The following KDM4C variants were observed in gnomAD, a reference collection of about 807,000 sequenced individuals.
KDM4C encodes the protein lysine demethylase 4C.
In KDM4C, 81 loss-of-function variants were observed where a neutral mutation model predicts 129.3. The observed-to-expected ratio is 0.63, with a 90% CI of 0.52 to 0.75. The LOEUF (loss-of-function observed/expected upper bound fraction) is 0.75. Ranked by LOEUF, KDM4C falls within the 30% of genes least tolerant of loss-of-function variation. KDM4C has a pLI of 0.00. For synonymous variants in KDM4C, 573 were observed against 456.1 expected (o/e 1.26, Z -3.26); for missense variants, 1,457 against 1,304.0 (o/e 1.12, Z -1.81).
intron 12 of KDM4C, among the ~76,000 whole-genome samples, chr9:7,007,757 T>C (rs1304475384): frequency 6.6e-6 from 1 of 152,214 alleles, no homozygotes; most frequent in Non-Finnish European, 1.5e-5. Flanking sequence ...GTTCATTTTA[T>C]TGATATTTAC....
intron 3 of KDM4C, among the ~76,000 whole-genome samples, chr9:6,813,304 G>T (rs1831502127): frequency 6.6e-6 from 1 of 152,150 alleles, no homozygotes. Context: ...CCAAAATGCT[G>T]GGATTATAGC....
intron 1 of KDM4C, among the ~76,000 whole-genome samples, chr9:6,790,997 G>A (rs1290859162): frequency 2.6e-5 from 4 of 152,088 alleles, no homozygotes; most frequent in South Asian, 2.1e-4. Flanking sequence ...CCGTTCCAGC[G>A]GTACTTCCAG....
intron 1 of KDM4C, among the ~76,000 whole-genome samples, chr9:6,745,170 C>A (rs1002437474): frequency 6.6e-6 from 1 of 152,146 alleles, no homozygotes; most frequent in Non-Finnish European, 1.5e-5. Context: ...GATTGAGAGT[C>A]AAGGAAAATT....
intron 8 of KDM4C, among the ~76,000 whole-genome samples, chr9:6,954,730 A>G (rs985548530): frequency 1.2e-4 from 19 of 152,214 alleles, no homozygotes. Context: ...TAGCCCAACA[A>G]TGGAGAGTGA....
At chr9:7,068,673 T>G (rs1436207569) in intron 17 of KDM4C, among the ~76,000 whole-genome samples, 2 of 150,030 alleles carry the variant, frequency 1.3e-5, no homozygotes, top group South Asian at 4.2e-4. Flanking sequence ...CATACATGTT[T>G]ATGATGCCCT....
At chr9:7,137,938 A>G (rs1841380833) in intron 19 of KDM4C, among the ~76,000 whole-genome samples, 1 of 152,248 alleles carries the variant, frequency 6.6e-6, no homozygotes, top group African/African-American at 2.4e-5. Flanking sequence ...TATCCAGAAG[A>G]AGTCAGTACT....
intron 18 of KDM4C, among the ~76,000 whole-genome samples, chr9:7,114,877 G>T (rs547165209): frequency 6.6e-6 from 1 of 152,010 alleles, no homozygotes; most frequent in Non-Finnish European, 1.5e-5. Flanking sequence ...AGGCCGAGGC[G>T]ATATCAGCCT....
intron 14 of KDM4C, chr9:7,014,210 C>T (rs1444398027): frequency 2.1e-6 from 1 of 480,754 alleles, no homozygotes; most frequent in African/African-American, 2.0e-5. Flanking sequence ...CCGTGGAGAG[C>T]AGGTCTGGTT....
intron 12 of KDM4C, among the ~76,000 whole-genome samples, chr9:6,997,616 A>G (rs1276025100): frequency 6.6e-6 from 1 of 152,202 alleles, no homozygotes; most frequent in African/African-American, 2.4e-5. Context: ...CCACTGAATA[A>G]AAGTCTGGTT....
At chr9:7,049,418 T>G (rs1348821267) in intron 17 of KDM4C, among the ~76,000 whole-genome samples, 3 of 152,138 alleles carry the variant, frequency 2.0e-5, no homozygotes, top group African/African-American at 4.8e-5. Context: ...CTGTCTGAAA[T>G]GAGGAAAAAG....
chr9:7,174,536 A>G lies in KDM4C; in HGVS notation c.2995-17A>G. On this transcript the variant is annotated splice_polypyrimidine_tract_variant and intron_variant, in intron 21 of 21. Transcript: ENST00000381309. ...AAATGCCGTGCCCTTTTGCAATATA[A>G]CACCAGCTGCTTTTAGTCCACAGCC... 2 of 1,613,178 alleles carry G rather than the reference A, an allele frequency of 1.2e-6. No individual in the cohort carries two copies. Among genetic ancestry groups the G allele is most frequent in the Non-Finnish European group, 1.7e-6 (2 of 1,179,234 alleles).
At position 6,893,109 on chromosome 9, in the gene KDM4C, T is replaced by G. The variant is rs1488010616; in HGVS notation, c.798T>G (p.Ala266=). Residue 266 remains alanine, a synonymous_variant, in exon 8 of 22, where the codon GCT becomes GCG. Coordinates refer to ENST00000381309, the MANE Select transcript of KDM4C (RefSeq NM_015061.6). ...CTACCTTGCAGATAACCCAGGAGGC[T>G]GGAGAATTCATGATCACTTTCCCAT... ...GIPFDKITQE[A]GEFMITFPYG... is the part of the protein sequence containing the mutation. 6.3e-7 allele frequency: 1 copy of G among 1,588,854 alleles called. No homozygotes were observed. Among genetic ancestry groups the G allele is most frequent in the South Asian group, 1.1e-5 (1 of 87,136 alleles).
intron 6 of KDM4C, among the ~76,000 whole-genome samples, chr9:6,881,567 G>A (rs188682004): frequency 9.2e-5 from 14 of 152,110 alleles, no homozygotes; most frequent in Non-Finnish European, 1.3e-4. Flanking sequence ...AAATGAAGCC[G>A]ATGTAAACCT....
intron 8 of KDM4C, among the ~76,000 whole-genome samples, chr9:6,946,687 T>C (rs565310044): frequency 2.2e-4 from 33 of 152,300 alleles, no homozygotes; most frequent in African/African-American, 7.7e-4. Context: ...ATATATTGAA[T>C]ATACTCTGAG....
chr9:6,898,693 A>G (rs1259472906), intron 8 of KDM4C, among the ~76,000 whole-genome samples: 2 of 152,188 alleles, frequency 1.3e-5, no homozygotes, highest in Admixed American at 6.5e-5. Context: ...TCAACTATTA[A>G]ATTGTCTAGC....
At chr9:7,080,727 G>A (rs548979934) in intron 17 of KDM4C, among the ~76,000 whole-genome samples, 2 of 152,248 alleles carry the variant, frequency 1.3e-5, no homozygotes, top group South Asian at 4.1e-4. Flanking sequence ...ATTATATTCT[G>A]GAATTCTATG....
chr9:6,796,073 G>C (rs1310896120), intron 2 of KDM4C, among the ~76,000 whole-genome samples: 1 of 152,170 alleles, frequency 6.6e-6, no homozygotes, highest in African/African-American at 2.4e-5. Context: ...AAAACAAACA[G>C]AAACTAAAGC....
At chr9:6,793,231 A>T in intron 2 of KDM4C, 99 bp downstream of exon 2, 1 of 1,310,242 alleles carries the variant, frequency 7.6e-7, no homozygotes, top group Non-Finnish European at 1.1e-6. Context: ...GAAGGAAGAA[A>T]TTTGCAAAAT....
intron 20 of KDM4C, among the ~76,000 whole-genome samples, chr9:7,165,774 C>T (rs932745817): frequency 7.9e-5 from 12 of 152,182 alleles, no homozygotes; most frequent in African/African-American, 1.9e-4. Context: ...CCCCACTCCC[C>T]GCTATCTCAG....
Sources: gnomAD v4.1 joint callset for allele counts (sites outside exome capture counted in the v4.1 genomes callset) on GRCh38, gnomAD v4.1.1 for gene constraint, MANE v1.5 for transcripts, NCBI Gene and HGNC (gene_info 2026-07-23, HGNC 2026-07-21) for gene names.